TPRG1L: variants seen among roughly 807,000 people sequenced by gnomAD.
TPRG1L encodes tumor protein p63-regulated gene 1-like protein.
TPRG1L carries 25 observed loss-of-function variants against 29.4 expected under a neutral mutation model. The ratio of observed to expected loss-of-function variants is 0.85; its 90% confidence interval spans 0.62 to 1.19. TPRG1L has a LOEUF of 1.19. Among genes scored for constraint, TPRG1L ranks in the 50% most tolerant of loss-of-function variants. TPRG1L has a pLI of 0.00. For missense variants in TPRG1L, 354 were observed against 364.4 expected (o/e 0.97, Z 0.23); for synonymous variants, 182 against 151.1 (o/e 1.20, Z -1.50).
intron 3 of TPRG1L, among the ~76,000 whole-genome samples, chr1:3,627,048 C>T (rs1052844943): frequency 3.9e-5 from 6 of 152,172 alleles, no homozygotes; most frequent in East Asian, 3.9e-4. Context: ...CGGTGGCTCA[C>T]GCCTGTAATC....
chr1:3,625,628 CCT>C (rs1644480859), intron 2 of TPRG1L, 83 bp from the exon 3 acceptor site: 2 of 1,566,236 alleles, frequency 1.3e-6, no homozygotes, highest in South Asian at 1.2e-5. Flanking sequence ...CCGTGCCGCC[CCT>C]GCTGCCCTTC....
Position 3,627,556 on chromosome 1 carries a change from TAAAC to T in TPRG1L, c.529_532del (p.Asn177AspfsTer39), listed in dbSNP as rs1487484276. 8 of 1,614,068 alleles carry T rather than the reference TAAAC, an allele frequency of 5.0e-6. No individual in the cohort carries two copies. The Admixed American group carries it at 6.7e-5, about 13-fold the overall frequency. ...GACAAGCAAAGTCGTCCTTCCTTCATAAACAGATGGAATCCCTGGTCTACCAACG... is the reference window on the plus strand; with the variant it reads ...GACAAGCAAAGTCGTCCTTCCTTCATAGATGGAATCCCTGGTCTACCAACG... On this transcript the variant is annotated frameshift_variant, in exon 4 of 5. Transcript: ENST00000378344. LOFTEE classifies it high-confidence loss of function.
rs749642562 is a variant in TPRG1L, at chr1:3,627,551, C to T, written c.522C>T (p.Ser174=). ...AGTGGGACAAGCAAAGTCGTCCTTCCTTCATAAACAGATGGAATCCCTGGT... is the reference window on the plus strand; with the variant it reads ...AGTGGGACAAGCAAAGTCGTCCTTCTTTCATAAACAGATGGAATCCCTGGT... ...RIQWDKQSRP[S]FINRWNPWST... Residue 174 remains serine (S), a synonymous_variant, in exon 4 of 5, where the codon TCC becomes TCT. Coordinates refer to ENST00000378344, the MANE Select transcript of TPRG1L (RefSeq NM_182752.4). 6.2e-7 allele frequency: 1 copy of T among 1,614,074 alleles called. No individual in the cohort carries two copies. The highest frequency in any genetic ancestry group is 8.5e-7 in the Non-Finnish European group (1 of 1,180,014).
At position 3,627,583 on chromosome 1, in the gene TPRG1L, A is replaced by G. The variant is rs1203957797; in HGVS notation, c.554A>G (p.Asn185Ser). The G allele has an allele frequency of 7.4e-6, 12 of 1,613,978 alleles. No individual in the cohort carries two copies. Among genetic ancestry groups the G allele is most frequent in the East Asian group, 4.5e-5 (2 of 44,886 alleles). Residue 185 changes from asparagine to serine, a missense_variant, in exon 4 of 5, where the codon AAC (asparagine) becomes AGC (serine). Asn to Ser is a conservative substitution (Grantham distance 46, BLOSUM62 1). Coordinates refer to ENST00000378344, the MANE Select transcript of TPRG1L (RefSeq NM_182752.4). ...AACAGATGGAATCCCTGGTCTACCA[A>G]CGTGCCCTATGCCACTTTCACAGAA... ...FINRWNPWSTNVPYATFTEHP... is the reference protein window; with the variant it reads ...FINRWNPWSTSVPYATFTEHP...
intron 1 of TPRG1L, 75 bp from the exon 2 acceptor site, chr1:3,625,349 C>A: frequency 2.0e-6 from 3 of 1,532,464 alleles, no homozygotes; most frequent in Non-Finnish European, 2.6e-6. Flanking sequence ...CGGAGGCGGG[C>A]GCCGGGCGGT....
intron 3 of TPRG1L, 124 bp downstream of exon 3, chr1:3,626,013 C>T: frequency 1.1e-6 from 1 of 933,520 alleles, no homozygotes. Context: ...AGCACAAAGG[C>T]TCCAGCTCCA....
In TPRG1L at chr1:3,629,033, C is replaced by T. The variant is rs1298688772; in HGVS notation, c.*430C>T. ...AGGGAGGCACCTGGTATCTCGAGTG[C>T]CTGCAGTTGCAAGTATGTTTACACC... is the stretch of plus-strand genomic sequence containing the variant. On this transcript the variant is annotated 3_prime_UTR_variant, in exon 5 of 5. Coordinates refer to ENST00000378344, the MANE Select transcript of TPRG1L (RefSeq NM_182752.4). 2 of 156,550 alleles carry T rather than the reference C, an allele frequency of 1.3e-5. No individual in the cohort carries two copies. Among genetic ancestry groups the T allele is most frequent in the Non-Finnish European group, 2.8e-5 (2 of 71,138 alleles). 9.7% of individuals were successfully genotyped at this position (156,550 alleles called of 1,614,324 possible). A position where few individuals can be genotyped will look rare whatever the true frequency, so the allele number is the denominator to read the frequency against.
At position 3,628,626 on chromosome 1, in the gene TPRG1L, C is replaced by T; in HGVS notation, c.*23C>T. 1 of 43,456 alleles carries T rather than the reference C, an allele frequency of 2.3e-5. No individual in the cohort carries two copies. The highest frequency in any genetic ancestry group is 2.8e-5 in the Non-Finnish European group (1 of 36,076). 2.7% of individuals were successfully genotyped at this position (43,456 alleles called of 1,614,324 possible). A position where few individuals can be genotyped will look rare whatever the true frequency, so the allele number is the denominator to read the frequency against. On this transcript the variant is annotated 3_prime_UTR_variant, in exon 5 of 5. Transcript: ENST00000378344. ...TAGCCGCTGCGTTCTGGGAGCTCCTCCCCCTTCTGGGAGCTCCTCCCCCTC... is the reference window on the plus strand; with the variant it reads ...TAGCCGCTGCGTTCTGGGAGCTCCTTCCCCTTCTGGGAGCTCCTCCCCCTC...
rs1389203644 is a variant in TPRG1L at position 3,625,799 on chromosome 1, T to C, written c.380T>C (p.Leu127Pro). 1.1e-5 allele frequency: 18 copies of C among 1,613,774 alleles called. No individual in the cohort carries two copies. The highest frequency in any genetic ancestry group is 1.4e-5 in the Non-Finnish European group (17 of 1,180,012). Residue 127 changes from leucine (L) to proline (P), a missense_variant, in exon 3 of 5, where the codon CTC becomes CCC. By Grantham distance (98) the Leu-to-Pro change is moderately conservative. Coordinates refer to ENST00000378344, the MANE Select transcript of TPRG1L (RefSeq NM_182752.4). ...ATCTGTAAATACGACTTCATCAGTCTCCAGTGCCAGCAGGTGGTGCGGATA... is the reference window on the plus strand; with the variant it reads ...ATCTGTAAATACGACTTCATCAGTCCCCAGTGCCAGCAGGTGGTGCGGATA... ...LLICKYDFISLQCQQVVRIAL... is the reference protein window; with the variant it reads ...LLICKYDFISPQCQQVVRIAL...
At chr1:3,627,794 A>C in intron 4 of TPRG1L, 141 bp downstream of exon 4, 1 of 1,064,948 alleles carries the variant, frequency 9.4e-7, no homozygotes, top group East Asian at 2.4e-5. Context: ...GAAATGAGAG[A>C]GGAAGCTCTC....
In TPRG1L at chr1:3,627,585, G is replaced by C. The variant is rs772930439; in HGVS notation, c.556G>C (p.Val186Leu). 38 of 1,614,036 alleles carry C rather than the reference G, an allele frequency of 2.4e-5. No individual in the cohort carries two copies. The Middle Eastern group carries it at 6.6e-4, about 28-fold the overall frequency. Reference protein sequence around the residue: ...INRWNPWSTNVPYATFTEHPM... With the variant: ...INRWNPWSTNLPYATFTEHPM... ...CAGATGGAATCCCTGGTCTACCAACGTGCCCTATGCCACTTTCACAGAACA... is the reference window on the plus strand; with the variant it reads ...CAGATGGAATCCCTGGTCTACCAACCTGCCCTATGCCACTTTCACAGAACA... Residue 186 changes from valine to leucine, a missense_variant, in exon 4 of 5, where the codon GTG becomes CTG. Coordinates refer to ENST00000378344, the MANE Select transcript of TPRG1L (RefSeq NM_182752.4).
chr1:3,625,153 A>T lies in TPRG1L; in HGVS notation c.81A>T (p.Ala27=). 1 of 1,233,192 alleles carries T rather than the reference A, an allele frequency of 8.1e-7. No individual in the cohort carries two copies. The allele number at this position is 1,233,192 out of a possible 1,614,324, so 76.4% of individuals were successfully genotyped here. A position where few individuals can be genotyped will look rare whatever the true frequency, so the allele number is the denominator to read the frequency against. Residue 27 remains alanine, a synonymous_variant, in exon 1 of 5, where the codon GCA becomes GCT. Transcript: ENST00000378344. ...TGGCGGCCGGCGAGGAGGTGGGGGCAGGCGGCGGCCCGGGCGGGGGGCGGC... is the reference window on the plus strand; with the variant it reads ...TGGCGGCCGGCGAGGAGGTGGGGGCTGGCGGCGGCCCGGGCGGGGGGCGGC... ...AVLAAGEEVG[A]GGGPGGGRPG...
At chr1:3,625,579 C>G in intron 2 of TPRG1L, 64 bp downstream of exon 2, 1 of 1,568,870 alleles carries the variant, frequency 6.4e-7, no homozygotes, top group Non-Finnish European at 8.7e-7. Context: ...CAGCACCTTG[C>G]GAGGACTTCC....
intron 4 of TPRG1L, among the ~76,000 whole-genome samples, chr1:3,627,898 C>T (rs1310716925): frequency 1.3e-5 from 2 of 152,246 alleles, no homozygotes; most frequent in African/African-American, 4.8e-5. Context: ...AGCATAGCTC[C>T]ATAATGTGGC....
Position 3,625,123 on chromosome 1 carries a change from G to C in TPRG1L, c.51G>C (p.Ala17=), listed in dbSNP as rs1169788346. ...SVDSAGTSPT[A]VLAAGEEVGA... is the part of the protein sequence containing the mutation. Reference sequence around the variant, plus strand: ...ACTCGGCCGGTACGAGCCCCACGGCGGTGCTGGCGGCCGGCGAGGAGGTGG... The same window carrying C: ...ACTCGGCCGGTACGAGCCCCACGGCCGTGCTGGCGGCCGGCGAGGAGGTGG... The change falls in exon 1 of 5, where the codon GCG becomes GCC. Residue 17 remains alanine (A), a synonymous_variant. Transcript: ENST00000378344. 3.3e-6 allele frequency: 4 copies of C among 1,228,700 alleles called. No homozygotes were observed. The East Asian group carries it at 1.4e-4, about 43-fold the overall frequency. The allele number at this position is 1,228,700 out of a possible 1,614,324, so 76.1% of individuals were successfully genotyped here. A position where few individuals can be genotyped will look rare whatever the true frequency, so the allele number is the denominator to read the frequency against.
intron 3 of TPRG1L, among the ~76,000 whole-genome samples, 160 bp from the exon 4 acceptor site, chr1:3,627,340 A>G (rs1037169975): frequency 6.6e-6 from 1 of 152,182 alleles, no homozygotes; most frequent in Non-Finnish European, 1.5e-5. Context: ...AAACAAAAAT[A>G]AAAACTACAA....
At position 3,625,480 on chromosome 1, in the gene TPRG1L, G is replaced by T. The variant is rs199651335; in HGVS notation, c.258G>T (p.Glu86Asp). The change falls in exon 2 of 5, where the codon GAG (glutamate) becomes GAT (aspartate). Residue 86 changes from glutamate to aspartate, a missense_variant. Coordinates refer to ENST00000378344, the MANE Select transcript of TPRG1L (RefSeq NM_182752.4). ...EEIRVVVRPV[E>D]DGEIQGVWLL... The stretch of plus-strand genomic sequence containing the variant: ...TCCGCGTGGTGGTGCGGCCCGTGGA[G>T]GACGGCGAGATCCAGGGAGTGTGGC... 1.2e-6 allele frequency: 2 copies of T among 1,607,698 alleles called. No individual in the cohort carries two copies. Among genetic ancestry groups the T allele is most frequent in the Middle Eastern group, 1.7e-4 (1 of 6,048 alleles).
Position 3,628,460 on chromosome 1 carries a change from G to A in TPRG1L, c.676G>A (p.Glu226Lys). The A allele has an allele frequency of 1.2e-6, 2 of 1,613,546 alleles. No homozygotes were observed. Among genetic ancestry groups the A allele is most frequent in the Non-Finnish European group, 8.5e-7 (1 of 1,179,522 alleles). ...LIQAVKKAQK[E>K]SPLPGQANGV... The stretch of plus-strand genomic sequence containing the variant: ...CCAAGCTGTCAAAAAAGCCCAAAAA[G>A]AAAGCCCTTTGCCAGGACAGGCGAA... Residue 226 changes from glutamate to lysine, a missense_variant, in exon 5 of 5, where the codon GAA (glutamate) becomes AAA (lysine). Coordinates refer to ENST00000378344, the MANE Select transcript of TPRG1L (RefSeq NM_182752.4).
In TPRG1L at chr1:3,628,545, T is replaced by G. The variant is rs765482160; in HGVS notation, c.761T>G (p.Phe254Cys). Reference sequence around the variant, plus strand: ...GAGACCTACGTGGGACTCATGTCCTTCATTAACAACGAGGCGAAACTGGGC... The same window carrying G: ...GAGACCTACGTGGGACTCATGTCCTGCATTAACAACGAGGCGAAACTGGGC... ...LIETYVGLMS[F>C]INNEAKLGYS... The change falls in exon 5 of 5, where the codon TTC becomes TGC. Residue 254 changes from phenylalanine (F) to cysteine (C), a missense_variant. Phe to Cys is a radical substitution (Grantham distance 205). Transcript: ENST00000378344. 2 of 1,613,712 alleles carry G rather than the reference T, an allele frequency of 1.2e-6. No homozygotes were observed. Among genetic ancestry groups the G allele is most frequent in the Admixed American group, 3.3e-5 (2 of 60,008 alleles).
Sources: gnomAD v4.1 joint callset for allele counts (sites outside exome capture counted in the v4.1 genomes callset) on GRCh38, gnomAD v4.1.1 for gene constraint, MANE v1.5 for transcripts, NCBI Gene and HGNC (gene_info 2026-07-23, HGNC 2026-07-21) for gene names.